PCDHGA8: variants seen among roughly 807,000 people sequenced by gnomAD.
PCDHGA8 encodes the protein protocadherin gamma subfamily A, 8.
In PCDHGA8, 45 loss-of-function variants were observed where a neutral mutation model predicts 59.2. The ratio of observed to expected loss-of-function variants is 0.76; its 90% confidence interval spans 0.60 to 0.98. The LOEUF (loss-of-function observed/expected upper bound fraction) is 0.98, where lower values mean the gene tolerates loss of function less well. Ranked by LOEUF, PCDHGA8 falls within the 50% of genes least tolerant of loss-of-function variation. PCDHGA8 has a pLI of 0.00. For synonymous variants in PCDHGA8, 531 were observed against 519.0 expected (o/e 1.02, Z -0.32); for missense variants, 1,257 against 1,196.2 (o/e 1.05, Z -0.75).
intron 1 of PCDHGA8, chr5:141,422,216 C>T (rs1241784107): frequency 6.4e-7 from 1 of 1,563,862 alleles, no homozygotes; most frequent in African/African-American, 1.4e-5. Flanking sequence ...GGTCTCTTTA[C>T]CACCACGACG....
intron 1 of PCDHGA8, chr5:141,422,820 G>A (rs904706749): frequency 6.2e-6 from 10 of 1,614,178 alleles, no homozygotes; most frequent in Non-Finnish European, 7.6e-6. Flanking sequence ...ACTTAGAACT[G>A]AGAGTGATAG....
At chr5:141,446,461 A>G (rs1273508266) in intron 1 of PCDHGA8, among the ~76,000 whole-genome samples, 1 of 151,298 alleles carries the variant, frequency 6.6e-6, no homozygotes, top group Non-Finnish European at 1.5e-5. Flanking sequence ...TCAGTGTGTG[A>G]TTAGACATAT....
At chr5:141,442,029 A>C in intron 1 of PCDHGA8, 1 of 210,292 alleles carries the variant, frequency 4.8e-6, no homozygotes, top group Non-Finnish European at 9.8e-6. Context: ...CAGGAAAGCG[A>C]CTCGCCAGCG....
intron 1 of PCDHGA8, among the ~76,000 whole-genome samples, chr5:141,447,353 G>C (rs559895274): frequency 6.6e-6 from 1 of 152,032 alleles, no homozygotes; most frequent in Admixed American, 6.6e-5. Context: ...TGGTCAGGCT[G>C]GTCTCAAACT....
intron 1 of PCDHGA8, chr5:141,417,960 G>T (rs2096199953): frequency 1.2e-6 from 2 of 1,613,624 alleles, no homozygotes; most frequent in African/African-American, 1.3e-5. Context: ...GAGCCGATCC[G>T]CTACTCGATT....
intron 3 of PCDHGA8, among the ~76,000 whole-genome samples, chr5:141,509,841 C>T (rs546036990): frequency 2.0e-5 from 3 of 152,326 alleles, no homozygotes; most frequent in African/African-American, 7.2e-5. Context: ...ACCTCCCATT[C>T]ACTCAGAACA....
chr5:141,477,031 A>G lies in PCDHGA8; in HGVS notation c.2425-17776A>G. 2 of 1,614,248 alleles carry G rather than the reference A, an allele frequency of 1.2e-6. No homozygotes were observed. The highest frequency in any genetic ancestry group is 2.2e-5 in the East Asian group (1 of 44,880). On this transcript the variant is annotated intron_variant, in intron 1 of 3. Transcript: ENST00000398604. This position sits in a 1 kb window ranked among gnomAD's most constrained non-coding sequence, Gnocchi z 4.9. ...TAGACCTTGTAACCGGGATGCTGAC[A>G]ATCAAGGGTCGGCTGGACTTCGAGG...
Position 141,393,184 on chromosome 5 carries a change from T to C in PCDHGA8, c.371T>C (p.Ile124Thr). 1 of 1,613,344 alleles carries C rather than the reference T, an allele frequency of 6.2e-7. No homozygotes were observed. The highest frequency in any genetic ancestry group is 8.5e-7 in the Non-Finnish European group (1 of 1,179,900). The change falls in exon 1 of 4, where the codon ATT becomes ACT. Residue 124 changes from isoleucine (I) to threonine (T), a missense_variant. Coordinates refer to ENST00000398604, the MANE Select transcript of PCDHGA8 (RefSeq NM_032088.2). ...GKLFGVEIEI[I>T]DINDNNPKFQ... ...CTCTTTGGGGTAGAAATAGAAATAATTGATATTAACGATAATAACCCAAAA... is the reference window on the plus strand; with the variant it reads ...CTCTTTGGGGTAGAAATAGAAATAACTGATATTAACGATAATAACCCAAAA...
chr5:141,505,597 T>C, intron 3 of PCDHGA8, 116 bp downstream of exon 3: 1 of 1,558,330 alleles, frequency 6.4e-7, no homozygotes, highest in Non-Finnish European at 8.7e-7. Context: ...TCCAGATCTT[T>C]CGGCAGGTCT....
chr5:141,428,148 G>A (rs774961575), intron 1 of PCDHGA8: 6 of 1,588,024 alleles, frequency 3.8e-6, no homozygotes, highest in East Asian at 4.5e-5. Flanking sequence ...GCTGCACACG[G>A]GAACCTGCTG....
chr5:141,398,568 G>C, intron 1 of PCDHGA8: 1 of 1,614,014 alleles, frequency 6.2e-7, no homozygotes, highest in African/African-American at 1.3e-5. Context: ...AGTCTGCACA[G>C]CCTGGCACAA....
intron 1 of PCDHGA8, chr5:141,398,208 G>C (rs898628305): frequency 1.3e-6 from 2 of 1,486,802 alleles, no homozygotes; most frequent in Non-Finnish European, 9.0e-7. Context: ...TGTTCTGCCC[G>C]GCGCTCTGTG....
Position 141,394,915 on chromosome 5 carries a change from CCT to C in PCDHGA8, c.2103_2104del (p.Val703LeufsTer41). ...CTCGTGGTGGCAGTGGCTGCCATCT[CCT>C]GTGTCTTCCTCGCCTTTGTCGCTGT... On this transcript the variant is annotated frameshift_variant, in exon 1 of 4. Coordinates refer to ENST00000398604, the MANE Select transcript of PCDHGA8 (RefSeq NM_032088.2). LOFTEE classifies it high-confidence loss of function. 1 of 1,613,774 alleles carries C rather than the reference CCT, an allele frequency of 6.2e-7. No homozygotes were observed. Among genetic ancestry groups the C allele is most frequent in the South Asian group, 1.1e-5 (1 of 91,082 alleles).
At chr5:141,415,293 C>T in intron 1 of PCDHGA8, 1 of 1,614,192 alleles carries the variant, frequency 6.2e-7, no homozygotes, top group Non-Finnish European at 8.5e-7. Flanking sequence ...CGGTCTCCTG[C>T]GTCTTCCTGG....
chr5:141,462,597 T>C (rs182073985), intron 1 of PCDHGA8, among the ~76,000 whole-genome samples: 1 of 152,320 alleles, frequency 6.6e-6, no homozygotes, highest in East Asian at 1.9e-4. Context: ...TTCCATTTCA[T>C]ATATTGTATT....
chr5:141,456,299 A>G (rs11167748), intron 1 of PCDHGA8, among the ~76,000 whole-genome samples: 25,602 of 152,048 alleles, frequency 0.17, 2,205 homozygotes, highest in South Asian at 0.22. Context: ...TCTAATGGAG[A>G]ACAGCAGCTA....
At chr5:141,470,252 C>T (rs1010559144) in intron 1 of PCDHGA8, among the ~76,000 whole-genome samples, 3 of 152,160 alleles carry the variant, frequency 2.0e-5, no homozygotes, top group Admixed American at 1.3e-4. Context: ...TCCCACCTGT[C>T]TAAATGGAGA....
At chr5:141,469,836 T>C (rs2099212875) in intron 1 of PCDHGA8, among the ~76,000 whole-genome samples, 1 of 152,064 alleles carries the variant, frequency 6.6e-6, no homozygotes, top group South Asian at 2.1e-4. Flanking sequence ...ATAAAACTTA[T>C]TCTTAAGATT....
intron 1 of PCDHGA8, chr5:141,410,291 G>A: frequency 1.2e-6 from 2 of 1,613,948 alleles, no homozygotes; most frequent in Non-Finnish European, 1.7e-6. Flanking sequence ...GGTGGCCTTG[G>A]CCTTAATCTC....
Sources: allele counts gnomAD v4.1 joint callset (sites outside exome capture counted in the v4.1 genomes callset), GRCh38; gene constraint gnomAD v4.1.1; non-coding constraint Gnocchi (gnomAD v3.1); transcripts MANE v1.5; gene names NCBI Gene and HGNC (gene_info 2026-07-23, HGNC 2026-07-21).